Variants in DCUN1D5 observed in about 807,000 individuals in gnomAD.
DCUN1D5 encodes defective in cullin neddylation 1 domain containing 5, also known as DCN1-like protein 5.
In DCUN1D5, 10 loss-of-function variants were observed where a neutral mutation model predicts 38.3. The observed-to-expected ratio is 0.26, with a 90% CI of 0.16 to 0.44. The LOEUF is 0.44. Among genes scored for constraint, DCUN1D5 ranks in the 20% least tolerant of loss-of-function variants. DCUN1D5 has a pLI of 1.00. For missense variants in DCUN1D5, 148 were observed against 275.3 expected (o/e 0.54, Z 3.27); for synonymous variants, 93 against 90.9 (o/e 1.02, Z -0.13).
chr11:103,074,930 A>C (rs1262533504), intron 4 of DCUN1D5, among the ~76,000 whole-genome samples: 1 of 152,164 alleles, frequency 6.6e-6, no homozygotes, highest in African/African-American at 2.4e-5. Context: ...TTTCTGCAAA[A>C]ATTGAGGTTT....
chr11:103,084,493 C>G (rs979419549), intron 2 of DCUN1D5, among the ~76,000 whole-genome samples: 1 of 152,084 alleles, frequency 6.6e-6, no homozygotes, highest in Non-Finnish European at 1.5e-5. Flanking sequence ...TAAATAAGTA[C>G]TAACAATGCA....
intron 4 of DCUN1D5, among the ~76,000 whole-genome samples, chr11:103,082,534 G>A (rs952270711): frequency 1.3e-5 from 2 of 151,934 alleles, no homozygotes; most frequent in African/African-American, 2.4e-5. Flanking sequence ...TAATAGGACT[G>A]TACTAAGGTT....
intron 4 of DCUN1D5, among the ~76,000 whole-genome samples, chr11:103,076,841 T>C (rs558872966): frequency 3.9e-5 from 6 of 152,318 alleles, no homozygotes; most frequent in African/African-American, 1.4e-4. Flanking sequence ...AACTACGTCA[T>C]ACCATTCCTA....
At chr11:103,088,916 T>C (rs1862781503) in intron 2 of DCUN1D5, among the ~76,000 whole-genome samples, 1 of 152,272 alleles carries the variant, frequency 6.6e-6, no homozygotes, top group Non-Finnish European at 1.5e-5. Context: ...AATGTTTTAT[T>C]GTGTACCTTT....
In DCUN1D5 at chr11:103,054,134, G is replaced by C. The variant is rs1357883382; in HGVS notation, c.*8225C>G. 1.3e-5 allele frequency: 2 copies of C among 152,160 alleles called. No homozygotes were observed. The highest frequency in any genetic ancestry group is 1.5e-5 in the Non-Finnish European group (1 of 67,990). The allele number at this position is 152,160 out of a possible 1,614,324, so 9.4% of individuals were successfully genotyped here. Reference sequence around the variant, plus strand: ...CAAACTGACGTAAGCCAGATAGAGAGAACCTCCCAATTTCCACATCTATGT... The same window carrying C: ...CAAACTGACGTAAGCCAGATAGAGACAACCTCCCAATTTCCACATCTATGT... On this transcript the variant is annotated 3_prime_UTR_variant, in exon 8 of 8. Transcript: ENST00000260247.
rs929019644 is a variant in DCUN1D5, at chr11:103,061,468, G to A, written c.*891C>T. Reference sequence around the variant, plus strand: ...ATTAGCAAGCTGCAATACTACCAACGTAAATGGCTCTATTGAGTTGTGCAC... The same window carrying A: ...ATTAGCAAGCTGCAATACTACCAACATAAATGGCTCTATTGAGTTGTGCAC... On this transcript the variant is annotated 3_prime_UTR_variant, in exon 8 of 8. Coordinates refer to ENST00000260247, the MANE Select transcript of DCUN1D5 (RefSeq NM_032299.4). Among the ~76,000 whole-genome samples the A allele has an allele frequency of 6.6e-6, 1 of 151,890 alleles. No individual in the cohort carries two copies.
chr11:103,087,337 ATTGT>A lies in DCUN1D5; in HGVS notation c.178+1886_178+1889del, dbSNP rs951349307. ...AGGCGCACACCACCACGCCCGGCTA[ATTGT>A]TTGTGTTTTTGGTAGAGAGAGTGTT... On this transcript the variant is annotated intron_variant, in intron 2 of 7. Transcript: ENST00000260247. The surrounding 1 kb of genome is among the most constrained non-coding windows in gnomAD (Gnocchi z 4.1). 2.3e-4 allele frequency among the ~76,000 whole-genome samples: 35 copies of A among 151,806 alleles called. No homozygotes were observed. The highest frequency in any genetic ancestry group is 8.2e-4 in the African/African-American group (34 of 41,298).
chr11:103,090,677 CCGA>C (rs1479350145), intron 1 of DCUN1D5, among the ~76,000 whole-genome samples: 2 of 152,164 alleles, frequency 1.3e-5, no homozygotes, highest in Non-Finnish European at 1.5e-5. Context: ...CTTTGGGAGG[CCGA>C]GGCGGGCGGA....
rs1861747990 is a variant in DCUN1D5 at position 103,051,886 on chromosome 11, T to C, written c.*10473A>G. ...TCAGATTTTCCTGCTGCCTAATTAA[T>C]GTTCTTAAAACACCAAAGTAGCCCC... On this transcript the variant is annotated 3_prime_UTR_variant, in exon 8 of 8. Coordinates refer to ENST00000260247, the MANE Select transcript of DCUN1D5 (RefSeq NM_032299.4). The C allele has an allele frequency of 6.6e-6, 1 of 152,186 alleles. No homozygotes were observed. The highest frequency in any genetic ancestry group is 6.5e-5 in the Admixed American group (1 of 15,280). 9.4% of individuals were successfully genotyped at this position (152,186 alleles called of 1,614,324 possible).
intron 4 of DCUN1D5, among the ~76,000 whole-genome samples, chr11:103,067,645 C>G (rs1862166150): frequency 1.3e-5 from 2 of 152,122 alleles, no homozygotes; most frequent in Non-Finnish European, 2.9e-5. Flanking sequence ...ATCAATAATG[C>G]AAAGGCCTAT....
Position 103,066,368 on chromosome 11 carries a change from T to G in DCUN1D5, c.456A>C (p.Lys152Asn). ...YRYAFDFARD[K>N]DQRSLDIDTA... is the part of the protein sequence containing the mutation. ...TATCAATATCAAGGCTTCTCTGATC[T>G]TTATCCTAAAATATAAGTGAAAAAG... The change falls in exon 6 of 8, where the codon AAA (lysine) becomes AAC (asparagine). Residue 152 changes from lysine (K) to asparagine (N), a missense_variant. By Grantham distance (94) the Lys-to-Asn change is moderately conservative. Coordinates refer to ENST00000260247, the MANE Select transcript of DCUN1D5 (RefSeq NM_032299.4). The surrounding 1 kb of genome is among the most constrained non-coding windows in gnomAD (Gnocchi z 4.7). The G allele has an allele frequency of 6.2e-7, 1 of 1,607,872 alleles. No individual in the cohort carries two copies. Among genetic ancestry groups the G allele is most frequent in the Non-Finnish European group, 8.5e-7 (1 of 1,177,764 alleles).
Position 103,063,115 on chromosome 11 carries a change from T to A in DCUN1D5, c.659-701A>T, listed in dbSNP as rs1019991259. Reference sequence around the variant, plus strand: ...TGCTTTTGACAGACATGTTTCTCTATCGTAAGAAAAGCAGCAGAGCACATA... The same window carrying A: ...TGCTTTTGACAGACATGTTTCTCTAACGTAAGAAAAGCAGCAGAGCACATA... On this transcript the variant is annotated intron_variant, in intron 7 of 7. Coordinates refer to ENST00000260247, the MANE Select transcript of DCUN1D5 (RefSeq NM_032299.4). This position sits in a 1 kb window ranked among gnomAD's most constrained non-coding sequence, Gnocchi z 4.6. Among the ~76,000 whole-genome samples the A allele has an allele frequency of 6.6e-6, 1 of 151,994 alleles. No homozygotes were observed. The highest frequency in any genetic ancestry group is 2.4e-5 in the African/African-American group (1 of 41,404).
In DCUN1D5 at chr11:103,060,445, C is replaced by T. The variant is rs567606315; in HGVS notation, c.*1914G>A. Among the ~76,000 whole-genome samples the T allele has an allele frequency of 3.6e-4, 55 of 151,966 alleles. No homozygotes were observed. Among genetic ancestry groups the T allele is most frequent in the African/African-American group, 1.3e-3 (53 of 41,444 alleles). ...ACATGGATTGAAAATACAGTATTCC[C>T]GGGATGCGACACCTACATACACGGG... is the stretch of plus-strand genomic sequence containing the variant. On this transcript the variant is annotated 3_prime_UTR_variant, in exon 8 of 8. Coordinates refer to ENST00000260247, the MANE Select transcript of DCUN1D5 (RefSeq NM_032299.4).
rs374353147 is a variant in DCUN1D5, at chr11:103,062,314, A to G, written c.*45T>C. On this transcript the variant is annotated 3_prime_UTR_variant, in exon 8 of 8. Coordinates refer to ENST00000260247, the MANE Select transcript of DCUN1D5 (RefSeq NM_032299.4). The surrounding 1 kb of genome is among the most constrained non-coding windows in gnomAD (Gnocchi z 4.6). ...TCCCCCTCATCACATTAGCTTGTAT[A>G]CACGTGGGAATTGAAAGGTTTGCAT... 1.2e-4 allele frequency: 185 copies of G among 1,580,816 alleles called. 1 individual carries two copies. The highest frequency in any genetic ancestry group is 1.6e-4 in the Non-Finnish European group (183 of 1,150,210).
intron 4 of DCUN1D5, among the ~76,000 whole-genome samples, chr11:103,070,114 CA>C (rs60686420): frequency 0.28 from 36,493 of 131,766 alleles, 4,459 homozygotes; most frequent in Non-Finnish European, 0.29. Context: ...AAAGTCTCAG[CA>C]AAAAAAAAAA....
At position 103,059,663 on chromosome 11, in the gene DCUN1D5, T is replaced by C. The variant is rs1047656042; in HGVS notation, c.*2696A>G. On this transcript the variant is annotated 3_prime_UTR_variant, in exon 8 of 8. Coordinates refer to ENST00000260247, the MANE Select transcript of DCUN1D5 (RefSeq NM_032299.4). ...TCAGGCCAGCACACAATACACCGTT[T>C]TCATCACACACTGTCACCTGAATCC... is the stretch of plus-strand genomic sequence containing the variant. Among the ~76,000 whole-genome samples the C allele has an allele frequency of 6.7e-6, 1 of 149,564 alleles. No homozygotes were observed. The highest frequency in any genetic ancestry group is 1.5e-5 in the Non-Finnish European group (1 of 67,662).
intron 4 of DCUN1D5, among the ~76,000 whole-genome samples, chr11:103,070,266 G>C (rs538505336): frequency 1.6e-4 from 24 of 152,058 alleles, no homozygotes; most frequent in Non-Finnish European, 1.0e-4. Flanking sequence ...ATAAGACAGA[G>C]TGGATTAAAA....
In DCUN1D5 at chr11:103,092,009, C is replaced by A; in HGVS notation, c.-137G>T. On this transcript the variant is annotated 5_prime_UTR_variant, in exon 1 of 8. Coordinates refer to ENST00000260247, the MANE Select transcript of DCUN1D5 (RefSeq NM_032299.4). ...GCAGAGTCGCCAGCCCGCACCGGCG[C>A]GGCCCAGCCCGGCCGCCGCCCGCTC... 1.4e-6 allele frequency: 1 copy of A among 711,078 alleles called. No homozygotes were observed. Among genetic ancestry groups the A allele is most frequent in the Non-Finnish European group, 2.3e-6 (1 of 443,814 alleles). 44.0% of individuals were successfully genotyped at this position (711,078 alleles called of 1,614,324 possible). A position where few individuals can be genotyped will look rare whatever the true frequency, so the allele number is the denominator to read the frequency against.
chr11:103,089,150 G>T, intron 2 of DCUN1D5, 77 bp downstream of exon 2: 1 of 1,422,098 alleles, frequency 7.0e-7, no homozygotes, highest in South Asian at 1.2e-5. Flanking sequence ...GCCTGTAACA[G>T]ATAATTTGTT....
Sources: allele counts gnomAD v4.1 joint callset (sites outside exome capture counted in the v4.1 genomes callset), GRCh38; gene constraint gnomAD v4.1.1; non-coding constraint Gnocchi (gnomAD v3.1); transcripts MANE v1.5; gene names NCBI Gene and HGNC (gene_info 2026-07-23, HGNC 2026-07-21).